LARGE1: variants seen among roughly 807,000 people sequenced by gnomAD.
The protein encoded by LARGE1 is LARGE xylosyl- and glucuronyltransferase 1, also known as xylosyl- and glucuronyltransferase LARGE1.
A neutral mutation model predicts 87.6 loss-of-function variants in LARGE1; 43 were observed. The observed-to-expected ratio is 0.49, with a 90% CI of 0.38 to 0.63. LARGE1 has a LOEUF of 0.63. Ranked by LOEUF, LARGE1 falls within the 30% of genes least tolerant of loss-of-function variation. The probability of loss-of-function intolerance (pLI) is 0.00; values close to 1 mark genes in which losing one functional copy is unlikely to be tolerated. For missense variants in LARGE1, 802 were observed against 1,000.2 expected, an observed-to-expected ratio of 0.80 and a Z score of 2.67; for synonymous variants, 434 against 394.6, an observed-to-expected ratio of 1.10 and a Z score of -1.18.
chr22:33,337,500 G>T, intron 10 of LARGE1, 146 bp downstream of exon 10: 1 of 881,856 alleles, frequency 1.1e-6, no homozygotes, highest in Non-Finnish European at 1.8e-6. Flanking sequence ...CTCTCTCCCC[G>T]ACTAGATGGT....
At chr22:33,689,772 A>G (rs1213645563) in intron 2 of LARGE1, among the ~76,000 whole-genome samples, 1 of 151,998 alleles carries the variant, frequency 6.6e-6, no homozygotes, top group African/African-American at 2.4e-5. Context: ...TAAAGATAAA[A>G]AAAAATTATC....
chr22:33,737,955 T>C (rs1022840659), intron 2 of LARGE1, among the ~76,000 whole-genome samples: 2 of 152,046 alleles, frequency 1.3e-5, no homozygotes, highest in Non-Finnish European at 2.9e-5. Context: ...TATTATACAC[T>C]CTGTGCCTTT....
At chr22:33,668,646 C>T (rs551757215) in intron 2 of LARGE1, among the ~76,000 whole-genome samples, 2 of 152,232 alleles carry the variant, frequency 1.3e-5, no homozygotes, top group East Asian at 1.9e-4. Flanking sequence ...TCACTCATGT[C>T]CATTGATGCA....
intron 1 of LARGE1, among the ~76,000 whole-genome samples, chr22:33,839,895 G>C (rs1164035441): frequency 6.6e-6 from 1 of 152,086 alleles, no homozygotes; most frequent in Non-Finnish European, 1.5e-5. Context: ...AGATCACCTG[G>C]ACCCAGGAAA....
the LARGE1 span, among the ~76,000 whole-genome samples, chr22:33,135,595 T>A: frequency 6.6e-6 from 1 of 152,156 alleles, no homozygotes; most frequent in Non-Finnish European, 1.5e-5. Flanking sequence ...ATCCCAGCAC[T>A]TTGGGAGACG....
At chr22:33,887,907 C>A (rs763653640) in intron 1 of LARGE1, among the ~76,000 whole-genome samples, 2 of 152,208 alleles carry the variant, frequency 1.3e-5, no homozygotes, top group African/African-American at 4.8e-5. Flanking sequence ...TTTCAGTGAA[C>A]GTCACATACG....
At chr22:33,333,254 A>C (rs1310423886) in intron 10 of LARGE1, among the ~76,000 whole-genome samples, 1 of 151,786 alleles carries the variant, frequency 6.6e-6, no homozygotes, top group Non-Finnish European at 1.5e-5. Context: ...TCCTGACCTC[A>C]TGATCCGCCC....
At chr22:33,610,794 A>G (rs1048530041) in intron 4 of LARGE1, among the ~76,000 whole-genome samples, 1 of 152,176 alleles carries the variant, frequency 6.6e-6, no homozygotes, top group Non-Finnish European at 1.5e-5. Flanking sequence ...CCAGAGGCCT[A>G]GGAAGAAAGA....
At chr22:33,268,540 G>A (rs1928078256), downstream of LARGE1, among the ~76,000 whole-genome samples, 1 of 148,490 alleles carries the variant, frequency 6.7e-6, no homozygotes, top group East Asian at 2.0e-4. Flanking sequence ...CCATTCTCCT[G>A]CCTCAGCCTC....
chr22:33,588,214 T>C (rs2078734788), intron 5 of LARGE1, among the ~76,000 whole-genome samples: 1 of 152,198 alleles, frequency 6.6e-6, no homozygotes, highest in Non-Finnish European at 1.5e-5. Flanking sequence ...CACACTGCAG[T>C]GGCAAGTGAG....
chr22:33,114,238 C>G, the LARGE1 span, among the ~76,000 whole-genome samples: 1 of 152,112 alleles, frequency 6.6e-6, no homozygotes, highest in Admixed American at 6.5e-5. Flanking sequence ...CTAATAGAGG[C>G]TAAATGCTTA....
At chr22:33,363,912 G>C (rs2064479684) in intron 9 of LARGE1, among the ~76,000 whole-genome samples, 1 of 149,334 alleles carries the variant, frequency 6.7e-6, no homozygotes, top group Non-Finnish European at 1.5e-5. Context: ...CCTCCCGGGT[G>C]GGACTGAGCG....
rs2065168345 is a variant in LARGE1, at chr22:33,381,840, T to G, written c.1131+79A>C. On this transcript the variant is annotated intron_variant, in intron 9 of 14. Coordinates refer to ENST00000397394, the MANE Select transcript of LARGE1 (RefSeq NM_133642.5). Reference sequence around the variant, plus strand: ...TCTCTCACCACATTGCACATAAATCTCCCAGCCATCCATGCCCCTGGGAGG... The same window carrying G: ...TCTCTCACCACATTGCACATAAATCGCCCAGCCATCCATGCCCCTGGGAGG... 4.4e-6 allele frequency: 7 copies of G among 1,577,172 alleles called. No individual in the cohort carries two copies. In the Admixed American group the frequency reaches 8.3e-5, roughly 19 times the overall value.
the LARGE1 span, among the ~76,000 whole-genome samples, chr22:33,074,705 AAG>A: frequency 1.3e-5 from 2 of 151,998 alleles, no homozygotes; most frequent in Non-Finnish European, 2.9e-5. Context: ...ACAAACAAAA[AAG>A]AAAAAAAGAA....
At chr22:33,304,556 T>A (rs1008619127) in intron 11 of LARGE1, 49 bp from the exon 12 acceptor site, 1 of 1,511,780 alleles carries the variant, frequency 6.6e-7, no homozygotes, top group African/African-American at 1.4e-5. Flanking sequence ...CATCCATGCA[T>A]CATCCGCCGG....
At chr22:33,627,009 G>C (rs2079942573) in intron 3 of LARGE1, among the ~76,000 whole-genome samples, 1 of 152,156 alleles carries the variant, frequency 6.6e-6, no homozygotes, top group African/African-American at 2.4e-5. Context: ...TGGTGCTAAG[G>C]AGTGAGGGAA....
rs71187254 is a variant in LARGE1, at chr22:33,239,535, C to CTTTTTTTTTTTTTTTTTTTTT, written c.1730+64673_1730+64693dup. Reference sequence around the variant, plus strand: ...GCCTTACTATTTCTTTTTTTCTTTTCTTTTTTTTTTTTTTTTTTTTTGAGA... The same window carrying CTTTTTTTTTTTTTTTTTTTTT: ...GCCTTACTATTTCTTTTTTTCTTTTCTTTTTTTTTTTTTTTTTTTTTTTTTTTTTTTTTTTTTTTTTTGAGA... On this transcript the variant is annotated intron_variant, in intron 11 of 11. Transcript: ENST00000608642. Among the ~76,000 whole-genome samples, 24 of 95,294 alleles carry CTTTTTTTTTTTTTTTTTTTTT rather than the reference C, an allele frequency of 2.5e-4. 1 individual carries two copies. Among genetic ancestry groups the CTTTTTTTTTTTTTTTTTTTTT allele is most frequent in the African/African-American group, 3.1e-4 (8 of 25,464 alleles). The allele number at this position is 95,294 out of a possible 152,430, so 62.5% of individuals were successfully genotyped here.
intron 4 of LARGE1, among the ~76,000 whole-genome samples, chr22:33,605,705 G>A (rs2079233678): frequency 6.6e-6 from 1 of 152,170 alleles, no homozygotes; most frequent in Non-Finnish European, 1.5e-5. Flanking sequence ...TGCCATGAAT[G>A]AGTACCTACT....
intron 2 of LARGE1, among the ~76,000 whole-genome samples, chr22:33,723,435 T>C (rs1043551401): frequency 1.3e-5 from 2 of 152,244 alleles, no homozygotes; most frequent in African/African-American, 2.4e-5. Flanking sequence ...TGTCTACAGA[T>C]GCTTTGGAAA....
Sources: gnomAD v4.1 joint callset for allele counts (sites outside exome capture counted in the v4.1 genomes callset) on GRCh38, gnomAD v4.1.1 for gene constraint, MANE v1.5 for transcripts, NCBI Gene and HGNC (gene_info 2026-07-23, HGNC 2026-07-21) for gene names.